CPPED1: variants seen among roughly 807,000 people sequenced by gnomAD.
The protein encoded by CPPED1 is serine/threonine-protein phosphatase CPPED1.
In CPPED1, 28 loss-of-function variants were observed where a neutral mutation model predicts 28.0. The ratio of observed to expected loss-of-function variants is 1.00; its 90% CI spans 0.74 to 1.37. The LOEUF is 1.37. Among genes scored for constraint, CPPED1 ranks in the 40% most tolerant of loss-of-function variants. The pLI is 0.00. For synonymous variants in CPPED1, 198 were observed against 180.2 expected (o/e 1.10, Z -0.79); for missense variants, 504 against 416.5 (o/e 1.21, Z -1.83).
At chr16:12,725,007 C>T (rs1039829829) in intron 2 of CPPED1, among the ~76,000 whole-genome samples, 1 of 151,978 alleles carries the variant, frequency 6.6e-6, no homozygotes, top group African/African-American at 2.4e-5. Context: ...AGGATAGTCT[C>T]GATCTCCTGA....
chr16:12,704,829 G>A lies in CPPED1; in HGVS notation c.510C>T (p.Asn170=), dbSNP rs1014437290. Residue 170 remains asparagine (N), a synonymous_variant, in exon 3 of 4, where the codon AAC becomes AAT. Transcript: ENST00000381774. ...GCTTCAGGCTGGGGCATTTGGAGGG[G>A]TTCTCGTAGAACTGGGAGTTGAGGA... ...FLVLNSQFYE[N]PSKCPSLKQA... 3 of 1,614,100 alleles carry A rather than the reference G, an allele frequency of 1.9e-6. No homozygotes were observed. The highest frequency in any genetic ancestry group is 2.5e-6 in the Non-Finnish European group (3 of 1,180,042).
At chr16:12,723,475 G>A (rs1170819878) in intron 2 of CPPED1, among the ~76,000 whole-genome samples, 1 of 152,166 alleles carries the variant, frequency 6.6e-6, no homozygotes, top group African/African-American at 2.4e-5. Flanking sequence ...TATAAGACAA[G>A]GGGATTAATG....
chr16:12,747,212 T>C (rs543115629), intron 2 of CPPED1, among the ~76,000 whole-genome samples: 1 of 152,082 alleles, frequency 6.6e-6, no homozygotes, highest in Admixed American at 6.5e-5. Context: ...GGCGGATTGC[T>C]TGAGCCCAGG....
chr16:12,771,051 T>A (rs987229220), intron 2 of CPPED1, among the ~76,000 whole-genome samples: 1 of 152,218 alleles, frequency 6.6e-6, no homozygotes, highest in African/African-American at 2.4e-5. Flanking sequence ...ACTTGTAGAA[T>A]TTAAAAATCT....
intron 2 of CPPED1, among the ~76,000 whole-genome samples, chr16:12,708,774 C>G (rs565816337): frequency 6.6e-6 from 1 of 152,170 alleles, no homozygotes; most frequent in Non-Finnish European, 1.5e-5. Context: ...CTTAGCAGAG[C>G]TTCCTGAAAA....
chr16:12,786,195 C>T (rs892543299), intron 1 of CPPED1, among the ~76,000 whole-genome samples: 2 of 152,192 alleles, frequency 1.3e-5, no homozygotes, highest in African/African-American at 4.8e-5. Context: ...TCAGCGTCGC[C>T]TGGGAGCACA....
chr16:12,704,684 AGTC>A lies in CPPED1; in HGVS notation c.652_654del (p.Asp218del). Reference sequence around the variant, plus strand: ...GTGGACTTGCTGAGGTTGAAGTAGTAGTCGTCGTCCTCGTCGATGCTCTCCAGG... The same window carrying A: ...GTGGACTTGCTGAGGTTGAAGTAGTAGTCGTCCTCGTCGATGCTCTCCAGG... On this transcript the variant is annotated inframe_deletion, in exon 3 of 4. Coordinates refer to ENST00000381774, the MANE Select transcript of CPPED1 (RefSeq NM_018340.3). 6.2e-7 allele frequency: 1 copy of A among 1,614,192 alleles called. No homozygotes were observed. Among genetic ancestry groups the A allele is most frequent in the Non-Finnish European group, 8.5e-7 (1 of 1,180,024 alleles).
chr16:12,755,870 C>T (rs2080363281), intron 2 of CPPED1, among the ~76,000 whole-genome samples: 1 of 152,090 alleles, frequency 6.6e-6, no homozygotes, highest in African/African-American at 2.4e-5. Flanking sequence ...CGGTGGCTCA[C>T]GCCTGTAAAC....
At chr16:12,787,138 C>T (rs1237735844) in intron 1 of CPPED1, among the ~76,000 whole-genome samples, 1 of 152,056 alleles carries the variant, frequency 6.6e-6, no homozygotes, top group Non-Finnish European at 1.5e-5. Context: ...CAGTCAGGGG[C>T]CCTAACTGAT....
intron 2 of CPPED1, among the ~76,000 whole-genome samples, chr16:12,731,067 G>C (rs2080194391): frequency 6.6e-6 from 1 of 151,984 alleles, no homozygotes; most frequent in Non-Finnish European, 1.5e-5. Context: ...CAGCACTTTG[G>C]AAGGCCAAGG....
At chr16:12,736,982 G>C (rs1405136944) in intron 2 of CPPED1, among the ~76,000 whole-genome samples, 1 of 152,082 alleles carries the variant, frequency 6.6e-6, no homozygotes, top group Non-Finnish European at 1.5e-5. Flanking sequence ...TTGAGGTCAG[G>C]AGTTTCAGAC....
intron 1 of CPPED1, among the ~76,000 whole-genome samples, chr16:12,783,996 C>T (rs990552022): frequency 3.3e-5 from 5 of 152,210 alleles, no homozygotes; most frequent in Non-Finnish European, 5.9e-5. Flanking sequence ...CAAATCCCTG[C>T]CTCCTGATAT....
intron 2 of CPPED1, among the ~76,000 whole-genome samples, chr16:12,762,768 G>C (rs1274947949): frequency 1.3e-5 from 2 of 152,078 alleles, no homozygotes; most frequent in Admixed American, 6.6e-5. Context: ...TTTTGAGACA[G>C]TGTTCCACTC....
At position 12,664,177 on chromosome 16, in the gene CPPED1, A is replaced by T; in HGVS notation, c.*709T>A. On this transcript the variant is annotated 3_prime_UTR_variant, in exon 4 of 4. Transcript: ENST00000381774. The surrounding 1 kb of genome is among the most constrained non-coding windows in gnomAD (Gnocchi z 4.2). ...CCAGAGACTGAAGAAGCGGCGTTTTAGAGCTTTGGTTTCAGTCTCTTGGAG... is the reference window on the plus strand; with the variant it reads ...CCAGAGACTGAAGAAGCGGCGTTTTTGAGCTTTGGTTTCAGTCTCTTGGAG... 5.9e-6 allele frequency: 1 copy of T among 168,488 alleles called. No individual in the cohort carries two copies. The highest frequency in any genetic ancestry group is 1.2e-5 in the Non-Finnish European group (1 of 82,794). 10.4% of individuals were successfully genotyped at this position (168,488 alleles called of 1,614,324 possible). A position where few individuals can be genotyped will look rare whatever the true frequency, so the allele number is the denominator to read the frequency against.
At chr16:12,752,441 G>A (rs938751378) in intron 2 of CPPED1, among the ~76,000 whole-genome samples, 2 of 151,766 alleles carry the variant, frequency 1.3e-5, no homozygotes, top group Non-Finnish European at 1.5e-5. Context: ...TCTCTCTAAC[G>A]GCCTTCTGTT....
At chr16:12,732,234 G>GAA (rs36072985) in intron 2 of CPPED1, among the ~76,000 whole-genome samples, 2 of 138,762 alleles carry the variant, frequency 1.4e-5, no homozygotes, top group East Asian at 2.1e-4. Flanking sequence ...AAGGAATAAT[G>GAA]AAAAAAAAAA....
In CPPED1 at chr16:12,732,209, G is replaced by C. The variant is rs74606966; in HGVS notation, c.290-27160C>G. 5.2e-3 allele frequency among the ~76,000 whole-genome samples: 774 copies of C among 147,548 alleles called. 16 individuals carry two copies. In the East Asian group the frequency reaches 0.063, roughly 12 times the overall value. On this transcript the variant is annotated intron_variant, in intron 2 of 3. Coordinates refer to ENST00000381774, the MANE Select transcript of CPPED1 (RefSeq NM_018340.3). ...ATACTGCATTAATCAACCAATTACA[G>C]GATGCTATTTTGAAAAGGAATAATG...
intron 1 of CPPED1, among the ~76,000 whole-genome samples, chr16:12,801,631 T>C (rs1465073908): frequency 1.3e-5 from 2 of 152,120 alleles, no homozygotes; most frequent in East Asian, 3.8e-4. Context: ...CTCTCCCATG[T>C]GTCCACAAAG....
At chr16:12,717,413 G>A (rs971760540) in intron 2 of CPPED1, among the ~76,000 whole-genome samples, 11 of 152,110 alleles carry the variant, frequency 7.2e-5, no homozygotes, top group Non-Finnish European at 1.2e-4. Flanking sequence ...ACAGGCGCCC[G>A]CCACTGCGCC....
Sources: allele counts gnomAD v4.1 joint callset (sites outside exome capture counted in the v4.1 genomes callset), GRCh38; gene constraint gnomAD v4.1.1; non-coding constraint Gnocchi (gnomAD v3.1); transcripts MANE v1.5; gene names NCBI Gene and HGNC (gene_info 2026-07-23, HGNC 2026-07-21).